Variants in ROBO2 observed in about 807,000 individuals in gnomAD.
The protein encoded by ROBO2 is roundabout homolog 2.
In ROBO2, 53 loss-of-function variants were observed where a neutral mutation model predicts 160.8. That is an observed-to-expected ratio of 0.33 (90% CI 0.26 to 0.41). The LOEUF is 0.41. Ranked by LOEUF, ROBO2 falls within the 10% of genes least tolerant of loss-of-function variation. ROBO2 has a pLI of 1.00. For synonymous variants in ROBO2, 664 were observed against 611.7 expected (o/e 1.09, Z -1.26); for missense variants, 1,577 against 1,722.4 (o/e 0.92, Z 1.49).
intron 2 of ROBO2, among the ~76,000 whole-genome samples, chr3:76,365,018 C>A (rs184794605): frequency 1.3e-5 from 2 of 152,112 alleles, no homozygotes; most frequent in Admixed American, 1.3e-4. Context: ...TCTTTGTGAA[C>A]TCAAGTCTAA....
intron 9 of ROBO2, among the ~76,000 whole-genome samples, chr3:77,561,669 T>C (rs532772707): frequency 1.1e-4 from 16 of 152,304 alleles, no homozygotes; most frequent in Admixed American, 9.8e-4. Flanking sequence ...GATATATTTA[T>C]GTTCCCTTTC....
At chr3:77,212,295 C>G (rs1315910373) in intron 2 of ROBO2, among the ~76,000 whole-genome samples, 2 of 152,088 alleles carry the variant, frequency 1.3e-5, no homozygotes, top group African/African-American at 4.8e-5. Context: ...CTTCACATCC[C>G]TTGTAAGTTG....
At chr3:75,922,916 G>T (rs535537818) in intron 1 of ROBO2, among the ~76,000 whole-genome samples, 15 of 152,194 alleles carry the variant, frequency 9.9e-5, no homozygotes, top group Non-Finnish European at 1.9e-4. Flanking sequence ...TTCATACCTG[G>T]ATAATATGCA....
chr3:76,856,321 T>A (rs2070070726), intron 2 of ROBO2, among the ~76,000 whole-genome samples: 1 of 152,220 alleles, frequency 6.6e-6, no homozygotes, highest in Non-Finnish European at 1.5e-5. Flanking sequence ...TATTTACATA[T>A]GTATACAACA....
chr3:77,527,370 T>C (rs2091265655), intron 6 of ROBO2, 33 bp from the exon 7 acceptor site: 7 of 1,283,422 alleles, frequency 5.5e-6, no homozygotes, highest in Non-Finnish European at 7.1e-6. Context: ...ATTTCTTTTT[T>C]ATGTTCTCAC....
intron 2 of ROBO2, among the ~76,000 whole-genome samples, chr3:77,431,492 G>T (rs1177931203): frequency 6.6e-6 from 1 of 152,060 alleles, no homozygotes; most frequent in Non-Finnish European, 1.5e-5. Context: ...AATAATTATT[G>T]ATTTCTATTA....
chr3:76,537,768 C>T (rs1040267556), intron 2 of ROBO2, among the ~76,000 whole-genome samples: 11 of 151,950 alleles, frequency 7.2e-5, no homozygotes, highest in Non-Finnish European at 1.6e-4. Context: ...GGGCTGAGTC[C>T]GAAAAGAGAG....
intron 2 of ROBO2, among the ~76,000 whole-genome samples, chr3:77,457,046 C>G (rs540712580): frequency 6.6e-6 from 1 of 152,296 alleles, no homozygotes; most frequent in East Asian, 1.9e-4. Flanking sequence ...ACAGTCCCCT[C>G]CAGCCCTTTA....
chr3:77,543,724 C>T (rs973764446), intron 6 of ROBO2, among the ~76,000 whole-genome samples: 4 of 151,890 alleles, frequency 2.6e-5, no homozygotes, highest in East Asian at 1.9e-4. Context: ...ATTTCAATCA[C>T]GTTTATTCTC....
chr3:77,015,475 A>G (rs971379663), intron 2 of ROBO2, among the ~76,000 whole-genome samples: 7 of 152,210 alleles, frequency 4.6e-5, no homozygotes, highest in African/African-American at 1.7e-4. Context: ...TGAAGGATCA[A>G]GAAATATTTA....
At chr3:76,398,907 A>C (rs1230700029) in intron 2 of ROBO2, among the ~76,000 whole-genome samples, 1 of 151,796 alleles carries the variant, frequency 6.6e-6, no homozygotes, top group Non-Finnish European at 1.5e-5. Flanking sequence ...ATTTGATGGT[A>C]AGACTGGGTG....
chr3:75,946,419 T>G (rs1258439585), intron 2 of ROBO2, among the ~76,000 whole-genome samples: 1 of 152,014 alleles, frequency 6.6e-6, no homozygotes, highest in East Asian at 1.9e-4. Flanking sequence ...TTGGCTATAC[T>G]GTAGTGAGGA....
At chr3:77,021,875 G>C (rs1452509560) in intron 2 of ROBO2, among the ~76,000 whole-genome samples, 1 of 152,136 alleles carries the variant, frequency 6.6e-6, no homozygotes, top group Non-Finnish European at 1.5e-5. Context: ...AAGCAGGAAG[G>C]TCTTCACCAG....
chr3:77,433,010 G>A (rs987785031), intron 2 of ROBO2, among the ~76,000 whole-genome samples: 2 of 152,256 alleles, frequency 1.3e-5, no homozygotes, highest in African/African-American at 2.4e-5. Context: ...TGAGGACATG[G>A]CTTTATTTGG....
At chr3:76,100,560 G>T (rs886181293) in intron 2 of ROBO2, among the ~76,000 whole-genome samples, 2 of 152,104 alleles carry the variant, frequency 1.3e-5, no homozygotes, top group African/African-American at 4.8e-5. Context: ...TTGTTTATTT[G>T]TAAAAGAAGA....
chr3:76,622,219 G>A (rs1459768195), intron 2 of ROBO2, among the ~76,000 whole-genome samples: 94 of 22,420 alleles, frequency 4.2e-3, no homozygotes, highest in Admixed American at 9.3e-3. Context: ...AGGAAGGAAG[G>A]AAGGAAGGAA....
rs373392311 is a variant in ROBO2 at position 76,162,040 on chromosome 3, G to A, written c.109+224438G>A. On this transcript the variant is annotated intron_variant, in intron 2 of 26. Coordinates refer to the ROBO2 transcript ENST00000487694. Reference sequence around the variant, plus strand: ...CAATCTTTAGTTCTGATAGCCTTGAGCTCTTGCTACCATGAGTCATGACTG... The same window carrying A: ...CAATCTTTAGTTCTGATAGCCTTGAACTCTTGCTACCATGAGTCATGACTG... Among the ~76,000 whole-genome samples, 14 of 152,210 alleles carry A rather than the reference G, an allele frequency of 9.2e-5. No individual in the cohort carries two copies. In the East Asian group the frequency reaches 2.7e-3, roughly 30 times the overall value.
At chr3:76,950,345 G>C (rs2078882706) in intron 2 of ROBO2, among the ~76,000 whole-genome samples, 1 of 152,106 alleles carries the variant, frequency 6.6e-6, no homozygotes, top group Non-Finnish European at 1.5e-5. Context: ...AACAGAACAC[G>C]ATTAATCTTT....
intron 2 of ROBO2, among the ~76,000 whole-genome samples, chr3:76,393,305 G>A (rs919330913): frequency 2.0e-5 from 3 of 152,212 alleles, no homozygotes; most frequent in South Asian, 2.1e-4. Flanking sequence ...AACTATGGAA[G>A]TATCTCTACC....
Sources: allele counts gnomAD v4.1 joint callset (sites outside exome capture counted in the v4.1 genomes callset), GRCh38; gene constraint gnomAD v4.1.1; transcripts MANE v1.5; gene names NCBI Gene and HGNC (gene_info 2026-07-23, HGNC 2026-07-21).